CERT1: variants seen among roughly 807,000 people sequenced by gnomAD.
CERT1 encodes the protein ceramide transporter 1, also known as ceramide transfer protein.
CERT1 carries 31 observed loss-of-function variants against 87.9 expected under a neutral mutation model. The observed-to-expected ratio is 0.35, with a 90% confidence interval of 0.27 to 0.48. The LOEUF is 0.48. CERT1 is among the 20% of genes least tolerant of loss of function. CERT1 has a pLI of 0.99. For missense variants in CERT1, 487 were observed against 758.0 expected, an observed-to-expected ratio of 0.64 and a Z score of 4.20; for synonymous variants, 289 against 250.9, an observed-to-expected ratio of 1.15 and a Z score of -1.44.
chr5:75,499,308 CA>C (rs970425330), intron 2 of CERT1, among the ~76,000 whole-genome samples: 9 of 152,090 alleles, frequency 5.9e-5, no homozygotes, highest in Admixed American at 2.6e-4. Context: ...TGGGAGGGGC[CA>C]GGGGCAGAAT....
chr5:75,466,534 T>G (rs1765462795), intron 2 of CERT1, among the ~76,000 whole-genome samples: 1 of 152,216 alleles, frequency 6.6e-6, no homozygotes, highest in African/African-American at 2.4e-5. Context: ...TTTAAGCTTC[T>G]GAGATAACAA....
At chr5:75,433,126 G>A (rs1287762642) in intron 3 of CERT1, among the ~76,000 whole-genome samples, 1 of 152,212 alleles carries the variant, frequency 6.6e-6, no homozygotes, top group Non-Finnish European at 1.5e-5. Flanking sequence ...AAATTAGGTA[G>A]TGTGATACCT....
chr5:75,470,173 T>A (rs1424345442), intron 2 of CERT1, among the ~76,000 whole-genome samples: 1 of 151,990 alleles, frequency 6.6e-6, no homozygotes, highest in Middle Eastern at 3.2e-3. Flanking sequence ...CAAGAAAACA[T>A]CAGAATTAAA....
chr5:75,444,675 T>C (rs1764466614), intron 3 of CERT1, among the ~76,000 whole-genome samples: 1 of 151,644 alleles, frequency 6.6e-6, no homozygotes, highest in Non-Finnish European at 1.5e-5. Flanking sequence ...GCCTCCCAAG[T>C]AGCTGGGACT....
intron 15 of CERT1, 89 bp from the exon 16 acceptor site, chr5:75,381,290 TAACTCTTAA>T: frequency 7.0e-7 from 1 of 1,437,176 alleles, no homozygotes; most frequent in African/African-American, 1.4e-5. Context: ...ACCAAAATCG[TAACTCTTAA>T]AAGTATCTCC....
intron 8 of CERT1, among the ~76,000 whole-genome samples, chr5:75,404,829 C>T (rs1258601036): frequency 1.3e-5 from 2 of 152,010 alleles, no homozygotes; most frequent in African/African-American, 2.4e-5. Flanking sequence ...GCCAACATGA[C>T]GAAAACCTGT....
At chr5:75,474,018 A>G (rs977281058) in intron 2 of CERT1, among the ~76,000 whole-genome samples, 11 of 152,202 alleles carry the variant, frequency 7.2e-5, no homozygotes, top group African/African-American at 2.7e-4. Context: ...AAAACCAAAG[A>G]CAGGCAGCCC....
rs571821476 is a variant in CERT1 at position 75,506,378 on chromosome 5, G to A, written c.97-262C>T. ...ATAACATTTTCTTCTAACATTTGAA[G>A]AATAAAACGAAAGCCAGATTTTGGT... On this transcript the variant is annotated intron_variant, in intron 1 of 16. Transcript: ENST00000643780. Among the ~76,000 whole-genome samples, 122 of 152,224 alleles carry A rather than the reference G, an allele frequency of 8.0e-4. 1 individual carries two copies. Among genetic ancestry groups the A allele is most frequent in the Non-Finnish European group, 7.4e-4 (50 of 67,996 alleles).
chr5:75,400,830 CT>C (rs1487186013), intron 9 of CERT1: 1 of 152,228 alleles, frequency 6.6e-6, no homozygotes, highest in Non-Finnish European at 1.5e-5. Context: ...TAAGCTGCCA[CT>C]TGCCCTTCTT....
At chr5:75,370,451 C>A (rs578177234) in intron 17 of CERT1, 1 of 152,296 alleles carries the variant, frequency 6.6e-6, no homozygotes, top group South Asian at 2.1e-4. Flanking sequence ...GTATCATTCA[C>A]CAGCACTGTG....
chr5:75,454,480 G>C (rs1236314809), intron 3 of CERT1, among the ~76,000 whole-genome samples: 2 of 152,154 alleles, frequency 1.3e-5, no homozygotes, highest in African/African-American at 4.8e-5. Flanking sequence ...AAATTCAAAA[G>C]ATTTTCTTAT....
intron 11 of CERT1, among the ~76,000 whole-genome samples, chr5:75,395,399 G>C (rs1044881706): frequency 6.6e-6 from 1 of 151,830 alleles, no homozygotes; most frequent in Non-Finnish European, 1.5e-5. Flanking sequence ...AAAACAATTA[G>C]TTGGGTGTGG....
chr5:75,453,312 A>C (rs1330049255), intron 3 of CERT1, among the ~76,000 whole-genome samples: 1 of 152,208 alleles, frequency 6.6e-6, no homozygotes, highest in African/African-American at 2.4e-5. Context: ...CAAATAAAAA[A>C]TTTGCGTGCC....
intron 16 of CERT1, 44 bp downstream of exon 16, chr5:75,381,028 A>C (rs752128238): frequency 1.9e-6 from 3 of 1,606,132 alleles, no homozygotes; most frequent in Non-Finnish European, 2.6e-6. Context: ...GTCATGATCA[A>C]GAACAGCCAC....
rs1213585485 is a variant in CERT1, at chr5:75,435,674, G to A, written c.349-9196C>T. ...GGTTTAGTTGATTGGTTTCGTTTCTGGACACTTTAAGGGGGCCAAGGCTTA... is the reference window on the plus strand; with the variant it reads ...GGTTTAGTTGATTGGTTTCGTTTCTAGACACTTTAAGGGGGCCAAGGCTTA... On this transcript the variant is annotated intron_variant, in intron 3 of 16. Transcript: ENST00000643780. Among the ~76,000 whole-genome samples, 6 of 152,218 alleles carry A rather than the reference G, an allele frequency of 3.9e-5. No individual in the cohort carries two copies. In the South Asian group the frequency reaches 6.2e-4, roughly 16 times the overall value.
intron 3 of CERT1, among the ~76,000 whole-genome samples, chr5:75,453,910 A>AT (rs1764864262): frequency 6.6e-6 from 1 of 152,150 alleles, no homozygotes; most frequent in Non-Finnish European, 1.5e-5. Context: ...TATAATCAGC[A>AT]TAAGGGTCTT....
At chr5:75,482,655 T>C (rs80220036) in intron 2 of CERT1, among the ~76,000 whole-genome samples, 4,459 of 152,224 alleles carry the variant, frequency 0.029, 100 homozygotes, top group Middle Eastern at 0.065. Flanking sequence ...TTGTGTCACC[T>C]TTACCCCAGC....
chr5:75,455,246 C>T (rs1403356022), intron 3 of CERT1, among the ~76,000 whole-genome samples: 2 of 152,130 alleles, frequency 1.3e-5, no homozygotes, highest in East Asian at 1.9e-4. Flanking sequence ...TTGCCTCATC[C>T]GCCATATTCA....
chr5:75,428,488 C>T (rs1297601461), intron 3 of CERT1, among the ~76,000 whole-genome samples: 2 of 152,122 alleles, frequency 1.3e-5, no homozygotes, highest in Non-Finnish European at 2.9e-5. Flanking sequence ...ACCATCCTGG[C>T]TAACACGGTG....
Sources: allele counts gnomAD v4.1 joint callset (sites outside exome capture counted in the v4.1 genomes callset), GRCh38; gene constraint gnomAD v4.1.1; transcripts MANE v1.5; gene names NCBI Gene and HGNC (gene_info 2026-07-23, HGNC 2026-07-21).